Variants in METTL15 observed in about 807,000 individuals in gnomAD.
The protein encoded by METTL15 is 12S rRNA N(4)-cytidine methyltransferase METTL15.
In METTL15, 34 loss-of-function variants were observed where a neutral mutation model predicts 38.3. The observed-to-expected ratio is 0.89, with a 90% CI of 0.68 to 1.18. METTL15 has a LOEUF of 1.18. Ranked by LOEUF, METTL15 falls within the 50% of genes most tolerant of loss-of-function variation. The probability of loss-of-function intolerance (pLI) is 0.00; values close to 1 mark genes in which losing one functional copy is unlikely to be tolerated. For synonymous variants in METTL15, 162 were observed against 170.9 expected, an observed-to-expected ratio of 0.95 and a Z score of 0.41; for missense variants, 438 against 498.4, an observed-to-expected ratio of 0.88 and a Z score of 1.15.
At chr11:28,480,898 TGAG>T (rs1269751846) in intron 6 of METTL15, among the ~76,000 whole-genome samples, 2 of 152,250 alleles carry the variant, frequency 1.3e-5, no homozygotes, top group Admixed American at 1.3e-4. Flanking sequence ...TCTTGGCTCC[TGAG>T]GAGATCTTTG....
chr11:28,292,001 T>G (rs150721023), intron 5 of METTL15, among the ~76,000 whole-genome samples: 2 of 152,116 alleles, frequency 1.3e-5, no homozygotes, highest in African/African-American at 2.4e-5. Context: ...GTAGATGGTA[T>G]AGACTATAAC....
intron 6 of METTL15, among the ~76,000 whole-genome samples, chr11:28,492,893 T>C (rs564485952): frequency 6.6e-6 from 1 of 152,108 alleles, no homozygotes; most frequent in East Asian, 1.9e-4. Flanking sequence ...AGGCATATTA[T>C]TTGGTTGAGT....
intron 6 of METTL15, among the ~76,000 whole-genome samples, chr11:28,456,978 C>T (rs536942407): frequency 1.3e-5 from 2 of 152,304 alleles, no homozygotes; most frequent in African/African-American, 4.8e-5. Context: ...TTGCTGTACC[C>T]TGTCTGAATT....
chr11:28,501,395 G>A lies in METTL15; in HGVS notation c.*425-25083G>A, dbSNP rs185697967. 2.0e-3 allele frequency among the ~76,000 whole-genome samples: 305 copies of A among 152,308 alleles called. 1 individual carries two copies. The highest frequency in any genetic ancestry group is 3.5e-3 in the Non-Finnish European group (236 of 68,030). On this transcript the variant is annotated intron_variant and NMD_transcript_variant, in intron 6 of 7. Transcript: ENST00000532947. ...GTATGGTTAAGTGGAAAGAAAGCAT[G>A]AATGTAGCGCTTTAGAACCACCCTT...
chr11:28,181,259 A>ATTTTT lies in METTL15; in HGVS notation c.271-29793_271-29789dup, dbSNP rs71449171. On this transcript the variant is annotated intron_variant, in intron 3 of 6. Transcript: ENST00000407364. The stretch of plus-strand genomic sequence containing the variant: ...CGTTTATTTATTTATTTAATTTTTA[A>ATTTTT]TTTTTTTTTTTTTTGTATTTTAAGT... Among the ~76,000 whole-genome samples the ATTTTT allele has an allele frequency of 9.7e-4, 130 of 133,792 alleles. 6 individuals carry two copies. Among genetic ancestry groups the ATTTTT allele is most frequent in the South Asian group, 4.5e-3 (19 of 4,204 alleles). The allele number at this position is 133,792 out of a possible 152,430, so 87.8% of individuals were successfully genotyped here.
chr11:28,269,252 A>G lies in METTL15; in HGVS notation c.408-20954A>G, dbSNP rs548377259. Among the ~76,000 whole-genome samples the G allele has an allele frequency of 6.6e-4, 101 of 152,224 alleles. 1 individual carries two copies. Among genetic ancestry groups the G allele is most frequent in the Admixed American group, 1.1e-3 (17 of 15,270 alleles). ...TGTTTTTTGCAGAAACATGGTTAAA[A>G]TTTTATGACTGATTTTGACCAATTA... On this transcript the variant is annotated intron_variant, in intron 4 of 6. Coordinates refer to ENST00000407364, the MANE Select transcript of METTL15 (RefSeq NM_001113528.2).
chr11:28,159,197 G>A (rs1850366067), intron 3 of METTL15, among the ~76,000 whole-genome samples: 1 of 152,108 alleles, frequency 6.6e-6, no homozygotes, highest in African/African-American at 2.4e-5. Flanking sequence ...TAAGTGAAGA[G>A]GCTAAGAAGG....
chr11:28,482,302 C>T (rs1009416099), intron 6 of METTL15, among the ~76,000 whole-genome samples: 7 of 152,176 alleles, frequency 4.6e-5, no homozygotes, highest in African/African-American at 1.7e-4. Flanking sequence ...GAAAAGCATA[C>T]TTTGGTAACA....
intron 5 of METTL15, among the ~76,000 whole-genome samples, chr11:28,420,895 A>G (rs1014904231): frequency 6.6e-6 from 1 of 152,080 alleles, no homozygotes; most frequent in African/African-American, 2.4e-5. Flanking sequence ...TGAAATGAAG[A>G]AACAATAGAA....
Position 28,296,880 on chromosome 11 carries a change from C to G in METTL15, c.727C>G (p.Arg243Gly). 6.2e-7 allele frequency: 1 copy of G among 1,613,568 alleles called. No individual in the cohort carries two copies. The highest frequency in any genetic ancestry group is 8.5e-7 in the Non-Finnish European group (1 of 1,179,694). The change falls in exon 6 of 7, where the codon CGC becomes GGC. Residue 243 changes from arginine to glycine, a missense_variant. Physicochemically the swap from Arg to Gly is moderately radical, Grantham distance 125. Transcript: ENST00000407364. ...AATCGCTTCAGCAATTGTTCAGGCA[C>G]GCAGCATCTACCCCATCACCAGAAC... ...KKIASAIVQA[R>G]SIYPITRTQQ...
chr11:28,338,282 G>A (rs1849919775), downstream of METTL15, among the ~76,000 whole-genome samples: 1 of 150,906 alleles, frequency 6.6e-6, no homozygotes, highest in Non-Finnish European at 1.5e-5. Context: ...ATTTCTTAAA[G>A]AATCTACACT....
chr11:28,232,050 C>T (rs1250948704), intron 4 of METTL15, among the ~76,000 whole-genome samples: 1 of 151,790 alleles, frequency 6.6e-6, no homozygotes, highest in Non-Finnish European at 1.5e-5. Flanking sequence ...GGGCTGAGTT[C>T]ATCTTAATTT....
intron 6 of METTL15, 58 bp from the exon 7 acceptor site, chr11:28,330,338 A>G: frequency 7.3e-7 from 1 of 1,377,656 alleles, no homozygotes; most frequent in Middle Eastern, 1.8e-4. Context: ...TTAGATTTAC[A>G]GTGAAAAATA....
At chr11:28,294,301 T>C (rs1856645283) in intron 5 of METTL15, among the ~76,000 whole-genome samples, 1 of 152,162 alleles carries the variant, frequency 6.6e-6, no homozygotes, top group Admixed American at 6.6e-5. Flanking sequence ...TTCAAACATG[T>C]GCAATGCTAA....
intron 5 of METTL15, among the ~76,000 whole-genome samples, chr11:28,392,535 C>T (rs896862570): frequency 3.6e-4 from 55 of 151,924 alleles, no homozygotes; most frequent in African/African-American, 9.4e-4. Context: ...AATGATTTGA[C>T]GTAAGATGTG....
intron 4 of METTL15, among the ~76,000 whole-genome samples, chr11:28,353,292 G>T (rs914516406): frequency 8.5e-5 from 13 of 152,144 alleles, no homozygotes; most frequent in African/African-American, 3.1e-4. Context: ...CTTACCTATT[G>T]ACAAGGAGCC....
chr11:28,129,639 A>T (rs1395238171), intron 3 of METTL15, among the ~76,000 whole-genome samples: 1 of 152,038 alleles, frequency 6.6e-6, no homozygotes, highest in African/African-American at 2.4e-5. Flanking sequence ...TGAACTCCTG[A>T]CCTCAAGTGG....
chr11:28,461,501 C>T (rs1026150788), intron 6 of METTL15, among the ~76,000 whole-genome samples: 7 of 151,946 alleles, frequency 4.6e-5, no homozygotes, highest in African/African-American at 1.4e-4. Flanking sequence ...GGAGGGAAAT[C>T]CTGTCTGTTA....
intron 6 of METTL15, among the ~76,000 whole-genome samples, chr11:28,519,920 G>C (rs767544316): frequency 6.6e-6 from 1 of 152,130 alleles, no homozygotes. Flanking sequence ...CTGATTGTTT[G>C]TCCAGGCATT....
Sources: gnomAD v4.1 joint callset for allele counts (sites outside exome capture counted in the v4.1 genomes callset) on GRCh38, gnomAD v4.1.1 for gene constraint, MANE v1.5 for transcripts, NCBI Gene and HGNC (gene_info 2026-07-23, HGNC 2026-07-21) for gene names.